Variants in AMDHD1 observed in about 807,000 individuals in gnomAD.
AMDHD1 encodes the protein amidohydrolase domain containing 1, also known as probable imidazolonepropionase.
Under a neutral mutation model 44.1 loss-of-function variants are expected in AMDHD1, and 45 were observed. The observed-to-expected ratio is 1.02, with a 90% CI of 0.80 to 1.31. AMDHD1 has a LOEUF of 1.31. Ranked by LOEUF, AMDHD1 falls within the 50% of genes most tolerant of loss-of-function variation. The probability of loss-of-function intolerance (pLI) is 0.00; values close to 1 mark genes in which losing one functional copy is unlikely to be tolerated. For missense variants in AMDHD1, 586 were observed against 552.1 expected (o/e 1.06, Z -0.61); for synonymous variants, 206 against 205.0 (o/e 1.00, Z -0.04).
At chr12:95,962,625 C>A in intron 6 of AMDHD1, 146 bp downstream of exon 6, 2 of 990,374 alleles carry the variant, frequency 2.0e-6, no homozygotes, top group Non-Finnish European at 2.7e-6. Context: ...AAGATGCCAA[C>A]CCTGGACTGA....
intron 7 of AMDHD1, 121 bp from the exon 8 acceptor site, chr12:95,966,227 A>C: frequency 9.0e-7 from 1 of 1,111,100 alleles, no homozygotes; most frequent in Non-Finnish European, 1.3e-6. Context: ...TTCCCATTGC[A>C]ACTGAGCCAA....
At chr12:95,965,330 A>T (rs2080604824) in intron 6 of AMDHD1, among the ~76,000 whole-genome samples, 4 of 150,560 alleles carry the variant, frequency 2.7e-5, no homozygotes, top group South Asian at 2.1e-4. Context: ...AGCATAGTGT[A>T]ACCTCATTTA....
At chr12:95,966,026 T>A (rs2080608455) in intron 7 of AMDHD1, among the ~76,000 whole-genome samples, 1 of 152,210 alleles carries the variant, frequency 6.6e-6, no homozygotes, top group South Asian at 2.1e-4. Context: ...AGTATTGTAG[T>A]TTTACAGTAA....
chr12:95,966,513 G>C lies in AMDHD1; in HGVS notation c.1193+5G>C. ...CATTATCATCAATTCATCCCGGTGA[G>C]TGTGCTTCAACTTAGCTCTTTTATA... On this transcript the variant is annotated splice_donor_5th_base_variant and intron_variant, in intron 8 of 8. Transcript: ENST00000266736. 1 of 1,614,146 alleles carries C rather than the reference G, an allele frequency of 6.2e-7. No individual in the cohort carries two copies. The highest frequency in any genetic ancestry group is 8.5e-7 in the Non-Finnish European group (1 of 1,180,032).
Position 95,956,668 on chromosome 12 carries a change from GT to G in AMDHD1, c.310-16del. On this transcript the variant is annotated splice_polypyrimidine_tract_variant and intron_variant, in intron 3 of 8. Coordinates refer to ENST00000266736, the MANE Select transcript of AMDHD1 (RefSeq NM_152435.3). ...CTTCCTGGCATGTGCTGGCCTAAAG[GT>G]GAGGCGTGTGTTCAGTTGGCAGGAG... 1.2e-6 allele frequency: 2 copies of G among 1,612,380 alleles called. No homozygotes were observed. The highest frequency in any genetic ancestry group is 1.7e-6 in the Non-Finnish European group (2 of 1,178,572).
At chr12:95,953,847 C>T (rs1352362643) in intron 2 of AMDHD1, among the ~76,000 whole-genome samples, 6 of 152,138 alleles carry the variant, frequency 3.9e-5, no homozygotes, top group African/African-American at 1.4e-4. Context: ...TCCCAAAGTG[C>T]TGGTATTATA....
intron 6 of AMDHD1, among the ~76,000 whole-genome samples, chr12:95,964,144 CT>C (rs1297460054): frequency 6.6e-6 from 1 of 151,122 alleles, no homozygotes; most frequent in East Asian, 2.0e-4. Flanking sequence ...AAAGTCTGAA[CT>C]TTGTTCCTAT....
rs1358481972 is a variant in AMDHD1, at chr12:95,949,160, GAAAAAAAAAAA to G, written c.138-3549_138-3539del. 2.0e-5 allele frequency among the ~76,000 whole-genome samples: 2 copies of G among 101,774 alleles called. 1 individual carries two copies. The highest frequency in any genetic ancestry group is 6.7e-5 in the African/African-American group (2 of 29,930). 66.8% of individuals were successfully genotyped at this position (101,774 alleles called of 152,430 possible). A position where few individuals can be genotyped will look rare whatever the true frequency, so the allele number is the denominator to read the frequency against. On this transcript the variant is annotated intron_variant, in intron 1 of 8. Transcript: ENST00000266736. ...TAAATTAAAAAAAAAAAAAAAAAAA[GAAAAAAAAAAA>G]AAAAAAAGAGACTGCACAGAGGGGT...
chr12:95,953,095 G>T (rs1028088167), intron 2 of AMDHD1, among the ~76,000 whole-genome samples: 16 of 152,146 alleles, frequency 1.1e-4, no homozygotes, highest in African/African-American at 3.9e-4. Flanking sequence ...GTTACCCAAG[G>T]TTCCTAAACA....
At chr12:95,946,425 C>G (rs1026104328) in intron 1 of AMDHD1, among the ~76,000 whole-genome samples, 1 of 151,868 alleles carries the variant, frequency 6.6e-6, no homozygotes, top group Non-Finnish European at 1.5e-5. Context: ...TTGTGCTCAG[C>G]GTAGAGGATG....
chr12:95,966,600 G>A (rs2080612457), intron 8 of AMDHD1, 92 bp downstream of exon 8: 3 of 1,455,688 alleles, frequency 2.1e-6, no homozygotes, highest in African/African-American at 1.4e-5. Context: ...ATTAGTGTCA[G>A]ACTCTGTCTG....
In AMDHD1 at chr12:95,956,700, T is replaced by A; in HGVS notation, c.325T>A (p.Tyr109Asn). The A allele has an allele frequency of 6.2e-7, 1 of 1,614,028 alleles. No individual in the cohort carries two copies. The change falls in exon 4 of 9, where the codon TAC becomes AAC. Residue 109 changes from tyrosine to asparagine, a missense_variant. Physicochemically the swap from Tyr to Asn is moderately radical, Grantham distance 143. Coordinates refer to ENST00000266736, the MANE Select transcript of AMDHD1 (RefSeq NM_152435.3). ...EFAMKLAGAT[Y>N]MEIHQAGGGI... ...GTGTGTTCAGTTGGCAGGAGCCACC[T>A]ACATGGAAATTCACCAGGCCGGAGG...
intron 4 of AMDHD1, among the ~76,000 whole-genome samples, chr12:95,957,209 A>G (rs2080556497): frequency 6.6e-6 from 1 of 152,210 alleles, no homozygotes; most frequent in Admixed American, 6.5e-5. Flanking sequence ...AGACAAAGAA[A>G]TGGCTCCGTG....
At chr12:95,966,269 T>C (rs922044644) in intron 7 of AMDHD1, 79 bp from the exon 8 acceptor site, 1 of 1,519,936 alleles carries the variant, frequency 6.6e-7, no homozygotes. Flanking sequence ...CCTCTATTTG[T>C]TGTGCTGTGT....
intron 1 of AMDHD1, chr12:95,947,329 C>T (rs1373062134): frequency 5.7e-5 from 1 of 17,468 alleles, no homozygotes; most frequent in African/African-American, 3.8e-4. Context: ...AGGTGAGGAG[C>T]GTCTCTGCCC....
Position 95,966,376 on chromosome 12 carries a change from AC to A in AMDHD1, c.1062del (p.Asn354LysfsTer2). The A allele has an allele frequency of 1.2e-6, 2 of 1,614,212 alleles. No individual in the cohort carries two copies. The highest frequency in any genetic ancestry group is 8.5e-7 in the Non-Finnish European group (1 of 1,180,036). ...MPMVMHLACVNMRMSMPEALA... is the reference protein window; with the variant it reads ...MPMVMHLACVXMRMSMPEALA... Reference sequence around the variant, plus strand: ...ATGGTCATGCATCTGGCCTGTGTAAACATGAGAATGTCCATGCCTGAGGCCT... The same window carrying A: ...ATGGTCATGCATCTGGCCTGTGTAAAATGAGAATGTCCATGCCTGAGGCCT... On this transcript the variant is annotated frameshift_variant, in exon 8 of 9. Transcript: ENST00000266736. LOFTEE classifies it high-confidence loss of function.
chr12:95,953,600 T>C (rs1181621051), intron 2 of AMDHD1, among the ~76,000 whole-genome samples: 3 of 152,188 alleles, frequency 2.0e-5, no homozygotes, highest in Non-Finnish European at 2.9e-5. Context: ...TTTGTTTATT[T>C]TGAGACAGTC....
chr12:95,965,284 C>A (rs566945154), intron 6 of AMDHD1, among the ~76,000 whole-genome samples: 1 of 112,860 alleles, frequency 8.9e-6, no homozygotes, highest in African/African-American at 3.6e-5. Flanking sequence ...GGGCAAGAGA[C>A]AGAGATTCCA....
chr12:95,943,439 A>T lies in AMDHD1; in HGVS notation c.41A>T (p.Gln14Leu). ...AGCCTCCTGCTGGAGAACGCGCAGCAAGTGGTGCTGGTGTGCGCCCGCGGC... is the reference window on the plus strand; with the variant it reads ...AGCCTCCTGCTGGAGAACGCGCAGCTAGTGGTGCTGGTGTGCGCCCGCGGC... ...GHSLLLENAQ[Q>L]VVLVCARGER... The change falls in exon 1 of 9, where the codon CAA (glutamine) becomes CTA (leucine). Residue 14 changes from glutamine (Q) to leucine (L), a missense_variant. Physicochemically the swap from Gln to Leu is moderately radical, Grantham distance 113. Transcript: ENST00000266736. The T allele has an allele frequency of 6.6e-7, 1 of 1,507,360 alleles. No individual in the cohort carries two copies. The highest frequency in any genetic ancestry group is 8.8e-7 in the Non-Finnish European group (1 of 1,134,456). 93.4% of individuals were successfully genotyped at this position (1,507,360 alleles called of 1,614,324 possible).
Sources: gnomAD v4.1 joint callset for allele counts (sites outside exome capture counted in the v4.1 genomes callset) on GRCh38, gnomAD v4.1.1 for gene constraint, MANE v1.5 for transcripts, NCBI Gene and HGNC (gene_info 2026-07-23, HGNC 2026-07-21) for gene names.